Variants in NEK4 observed in about 807,000 individuals in gnomAD.
NEK4 encodes the protein NIMA related kinase 4, also known as serine/threonine-protein kinase Nek4.
Under a neutral mutation model 98.4 loss-of-function variants are expected in NEK4, and 86 were observed. That is an observed-to-expected ratio of 0.87 (90% CI 0.73 to 1.05). The LOEUF (loss-of-function observed/expected upper bound fraction) is 1.05, where lower values mean the gene tolerates loss of function less well. Among genes scored for constraint, NEK4 ranks in the 50% least tolerant of loss-of-function variants. NEK4 has a pLI of 0.00. For synonymous variants in NEK4, 328 were observed against 342.2 expected (o/e 0.96, Z 0.46); for missense variants, 898 against 950.3 (o/e 0.94, Z 0.72).
chr3:52,733,116 C>T (rs892159848), intron 15 of NEK4: 42 of 178,838 alleles, frequency 2.3e-4, no homozygotes, highest in Middle Eastern at 1.1e-3. Flanking sequence ...ATCTTATGGA[C>T]GTAGTTAAGA....
At chr3:52,730,498 C>T (rs978244455) in intron 15 of NEK4, among the ~76,000 whole-genome samples, 1 of 152,172 alleles carries the variant, frequency 6.6e-6, no homozygotes, top group Admixed American at 6.6e-5. Flanking sequence ...AAGAGAAATG[C>T]ATATGAATAT....
chr3:52,711,312 AAATTTTAT>A lies in NEK4; in HGVS notation c.*457_*464del, dbSNP rs1195473186. The A allele has an allele frequency of 1.3e-5, 2 of 152,510 alleles. No homozygotes were observed. Among genetic ancestry groups the A allele is most frequent in the African/African-American group, 2.4e-5 (1 of 41,466 alleles). 9.4% of individuals were successfully genotyped at this position (152,510 alleles called of 1,614,324 possible). ...TTTCTAGAACTGAATTGACTTTTTA[AAATTTTAT>A]AATTTATCAACTACTCCTTAAGGTT... On this transcript the variant is annotated 3_prime_UTR_variant, in exon 16 of 16. Transcript: ENST00000233027.
intron 15 of NEK4, among the ~76,000 whole-genome samples, chr3:52,736,938 T>TA (rs2097376996): frequency 6.6e-6 from 1 of 152,146 alleles, no homozygotes; most frequent in Non-Finnish European, 1.5e-5. Flanking sequence ...TAATAGGTAA[T>TA]AGAGTTTATT....
At chr3:52,766,517 C>T in intron 2 of NEK4, 142 bp from the exon 3 acceptor site, 2 of 619,094 alleles carry the variant, frequency 3.2e-6, no homozygotes, top group African/African-American at 1.8e-5. Flanking sequence ...CCTTATTCAA[C>T]AAGCAAATAC....
intron 10 of NEK4, among the ~76,000 whole-genome samples, 170 bp from the exon 11 acceptor site, chr3:52,744,475 G>A (rs1225276784): frequency 6.6e-6 from 1 of 152,092 alleles, no homozygotes; most frequent in Non-Finnish European, 1.5e-5. Flanking sequence ...CACCAGGTCA[G>A]GAGTTCGAGG....
At chr3:52,741,067 T>C (rs2097385033) in intron 13 of NEK4, among the ~76,000 whole-genome samples, 1 of 151,440 alleles carries the variant, frequency 6.6e-6, no homozygotes, top group Admixed American at 6.6e-5. Flanking sequence ...ACGCCATCTC[T>C]ACTAAAAAAA....
rs1023108797 is a variant in NEK4, at chr3:52,768,353, G to T, written c.345C>A (p.Ile115=). ...ENQVVEWFVQ[I]AMALQYLHEK... ...TACACAGTACCTGCAAAGCCATGGCGATCTGTACAAACCACTCTACCACCT... is the reference window on the plus strand; with the variant it reads ...TACACAGTACCTGCAAAGCCATGGCTATCTGTACAAACCACTCTACCACCT... The change falls in exon 2 of 16, where the codon ATC becomes ATA. Residue 115 remains isoleucine (I), a synonymous_variant. Transcript: ENST00000233027. 5.0e-6 allele frequency: 8 copies of T among 1,613,998 alleles called. No homozygotes were observed. Among genetic ancestry groups the T allele is most frequent in the African/African-American group, 1.3e-5 (1 of 74,922 alleles).
intron 15 of NEK4, among the ~76,000 whole-genome samples, chr3:52,736,540 C>T (rs577319599): frequency 8.1e-4 from 122 of 150,964 alleles, no homozygotes; most frequent in African/African-American, 2.8e-3. Context: ...GAGCTGAGAT[C>T]GCACCACTGC....
In NEK4 at chr3:52,752,149, T is replaced by A. The variant is rs201270296; in HGVS notation, c.1151A>T (p.Gln384Leu). The A allele has an allele frequency of 3.3e-4, 536 of 1,614,196 alleles. 1 individual carries two copies. Among genetic ancestry groups the A allele is most frequent in the East Asian group, 1.2e-3 (55 of 44,878 alleles). Residue 384 changes from glutamine to leucine, a missense_variant, in exon 7 of 16, where the codon CAG (glutamine) becomes CTG (leucine). Physicochemically the swap from Gln to Leu is moderately radical, Grantham distance 113. Coordinates refer to ENST00000233027, the MANE Select transcript of NEK4 (RefSeq NM_003157.6). ...ATCCAAATATCTTGGCTGATTCTCC[T>A]GAACAAAGCCATCACTCACTGAATC... Reference protein sequence around the residue: ...GRDSVSDGFVQENQPRYLDAS... With the variant: ...GRDSVSDGFVLENQPRYLDAS...
intron 13 of NEK4, 73 bp downstream of exon 13, chr3:52,741,338 A>T: frequency 1.1e-6 from 1 of 877,076 alleles, no homozygotes; most frequent in Non-Finnish European, 1.9e-6. Context: ...TCTAAATACT[A>T]CTGAAAATGC....
intron 1 of NEK4, among the ~76,000 whole-genome samples, chr3:52,769,682 AG>A: frequency 6.6e-6 from 1 of 152,220 alleles, no homozygotes; most frequent in Non-Finnish European, 1.5e-5. Context: ...CCCTATATTT[AG>A]GGGGAACATC....
chr3:52,715,577 G>A (rs565891509), intron 15 of NEK4, among the ~76,000 whole-genome samples: 69 of 152,266 alleles, frequency 4.5e-4, no homozygotes, highest in African/African-American at 1.6e-3. Context: ...TTTTAGTAGA[G>A]ACAGGGTTTC....
In NEK4 at chr3:52,757,681, G is replaced by A. The variant is rs1442750131; in HGVS notation, c.963+3114C>T. On this transcript the variant is annotated intron_variant, in intron 6 of 15. Transcript: ENST00000233027. ...ACAACACAAATGTACATCTGCAGAT[G>A]AACCAGATAAACAAAACGTGGGATA... 3.3e-5 allele frequency among the ~76,000 whole-genome samples: 5 copies of A among 152,122 alleles called. 1 individual carries two copies. The highest frequency in any genetic ancestry group is 7.4e-5 in the Non-Finnish European group (5 of 68,018).
intron 15 of NEK4, among the ~76,000 whole-genome samples, chr3:52,713,625 T>C (rs1410076155): frequency 6.6e-6 from 1 of 151,758 alleles, no homozygotes; most frequent in Non-Finnish European, 1.5e-5. Flanking sequence ...AGAAACCCTG[T>C]CTCTACTAAA....
chr3:52,749,171 C>T (rs535236982), intron 8 of NEK4, among the ~76,000 whole-genome samples: 1 of 152,044 alleles, frequency 6.6e-6, no homozygotes, highest in Admixed American at 6.5e-5. Context: ...CTTGCTCTGT[C>T]ACCCAGGCTG....
At chr3:52,738,694 G>A (rs1409413365) in intron 14 of NEK4, among the ~76,000 whole-genome samples, 1 of 151,902 alleles carries the variant, frequency 6.6e-6, no homozygotes, top group African/African-American at 2.4e-5. Context: ...CAAGCAATCT[G>A]CCCTCCTCAG....
Position 52,770,892 on chromosome 3 carries a change from G to A in NEK4, c.-146C>T, listed in dbSNP as rs1698759832. 1 of 657,650 alleles carries A rather than the reference G, an allele frequency of 1.5e-6. No homozygotes were observed. The highest frequency in any genetic ancestry group is 4.1e-4 in the Middle Eastern group (1 of 2,418). The allele number at this position is 657,650 out of a possible 1,614,324, so 40.7% of individuals were successfully genotyped here. On this transcript the variant is annotated 5_prime_UTR_variant, in exon 1 of 16. Coordinates refer to ENST00000233027, the MANE Select transcript of NEK4 (RefSeq NM_003157.6). The stretch of plus-strand genomic sequence containing the variant: ...GGCCCGGGCGGGATTGCTGGGGCCC[G>A]GCCCGCGACGACGCCGCTGCCATAG...
chr3:52,750,013 T>C (rs1218458983), intron 7 of NEK4, among the ~76,000 whole-genome samples, 184 bp from the exon 8 acceptor site: 2 of 152,204 alleles, frequency 1.3e-5, no homozygotes, highest in African/African-American at 2.4e-5. Context: ...TAAAATTATA[T>C]GGTTGTTTTG....
chr3:52,714,920 G>A (rs554805796), intron 15 of NEK4, among the ~76,000 whole-genome samples: 19 of 152,340 alleles, frequency 1.2e-4, no homozygotes, highest in Non-Finnish European at 2.1e-4. Flanking sequence ...GTCCCCCTCC[G>A]GACTTTGGGC....
Sources: gnomAD v4.1 joint callset for allele counts (sites outside exome capture counted in the v4.1 genomes callset) on GRCh38, gnomAD v4.1.1 for gene constraint, MANE v1.5 for transcripts, NCBI Gene and HGNC (gene_info 2026-07-23, HGNC 2026-07-21) for gene names.